Variants in NOS1AP observed in about 807,000 individuals in gnomAD.
The protein encoded by NOS1AP is nitric oxide synthase 1 adaptor protein.
In NOS1AP, 21 loss-of-function variants were observed where a neutral mutation model predicts 56.2. That is an observed-to-expected ratio of 0.37 (90% CI 0.26 to 0.54). The LOEUF (loss-of-function observed/expected upper bound fraction) is 0.54, where lower values mean the gene tolerates loss of function less well. NOS1AP is among the 20% of genes least tolerant of loss of function. The probability of loss-of-function intolerance (pLI) is 0.84; values close to 1 mark genes in which losing one functional copy is unlikely to be tolerated. For synonymous variants in NOS1AP, 270 were observed against 274.6 expected (o/e 0.98, Z 0.17); for missense variants, 522 against 657.8 (o/e 0.79, Z 2.26).
chr1:162,363,626 C>A, intron 8 of NOS1AP: 1 of 235,016 alleles, frequency 4.3e-6, no homozygotes, highest in Non-Finnish European at 7.0e-6. Context: ...CAGCCCCCAT[C>A]CCGAAGCTTC....
At chr1:162,352,195 G>C (rs562276047) in intron 6 of NOS1AP, among the ~76,000 whole-genome samples, 5 of 152,112 alleles carry the variant, frequency 3.3e-5, no homozygotes, top group Non-Finnish European at 7.3e-5. Context: ...AAGCAGCTGG[G>C]ATTACAGGCA....
chr1:162,304,427 A>T (rs898745850), intron 4 of NOS1AP, among the ~76,000 whole-genome samples: 1 of 152,254 alleles, frequency 6.6e-6, no homozygotes, highest in African/African-American at 2.4e-5. Flanking sequence ...AATTCTTGAA[A>T]TCAGGTAGTA....
chr1:162,203,785 G>T (rs779550837), intron 2 of NOS1AP, among the ~76,000 whole-genome samples: 1 of 152,134 alleles, frequency 6.6e-6, no homozygotes, highest in Non-Finnish European at 1.5e-5. Flanking sequence ...CTTCTGAAAG[G>T]GGTTATCACA....
chr1:162,302,864 T>C (rs1050378499), intron 4 of NOS1AP, among the ~76,000 whole-genome samples: 1 of 152,208 alleles, frequency 6.6e-6, no homozygotes, highest in Admixed American at 6.5e-5. Context: ...TCCTTTCTGT[T>C]ATTGATGAGT....
Position 162,316,731 on chromosome 1 carries a change from A to G in NOS1AP, c.344+16025A>G, listed in dbSNP as rs183472654. 9.0e-4 allele frequency: 137 copies of G among 152,762 alleles called. 1 individual carries two copies. The highest frequency in any genetic ancestry group is 4.8e-3 in the East Asian group (25 of 5,208). 9.5% of individuals were successfully genotyped at this position (152,762 alleles called of 1,614,324 possible). A position where few individuals can be genotyped will look rare whatever the true frequency, so the allele number is the denominator to read the frequency against. The stretch of plus-strand genomic sequence containing the variant: ...TAGGGGCAGGGGGTGGATCTCACAA[A>G]GTACATTCTCAAGGGTGGGGAGAAT... On this transcript the variant is annotated intron_variant, in intron 4 of 9. Coordinates refer to ENST00000361897, the MANE Select transcript of NOS1AP (RefSeq NM_014697.3).
At chr1:162,293,718 T>C (rs1655347343) in intron 3 of NOS1AP, among the ~76,000 whole-genome samples, 1 of 152,214 alleles carries the variant, frequency 6.6e-6, no homozygotes, top group African/African-American at 2.4e-5. Flanking sequence ...TTCCTGGCAG[T>C]GGACAGTGAA....
At chr1:162,195,324 CT>C (rs1256527193) in intron 2 of NOS1AP, among the ~76,000 whole-genome samples, 1 of 151,962 alleles carries the variant, frequency 6.6e-6, no homozygotes, top group Non-Finnish European at 1.5e-5. Flanking sequence ...CTTGCTCTTA[CT>C]CATTGCATTT....
At chr1:162,302,035 T>C (rs1212820425) in intron 4 of NOS1AP, among the ~76,000 whole-genome samples, 1 of 152,230 alleles carries the variant, frequency 6.6e-6, no homozygotes, top group Non-Finnish European at 1.5e-5. Context: ...AGTTTTAGAC[T>C]AGTGGGAAAT....
At chr1:162,281,172 C>T (rs1054714378) in intron 2 of NOS1AP, among the ~76,000 whole-genome samples, 2 of 152,152 alleles carry the variant, frequency 1.3e-5, no homozygotes, top group Non-Finnish European at 2.9e-5. Context: ...AGATAAAGTG[C>T]TCAGTACTGT....
chr1:162,318,445 T>G (rs1382677361), intron 4 of NOS1AP, among the ~76,000 whole-genome samples: 1 of 152,186 alleles, frequency 6.6e-6, no homozygotes, highest in Non-Finnish European at 1.5e-5. Context: ...TCTTATTCAG[T>G]CTCTGTGAAG....
intron 1 of NOS1AP, among the ~76,000 whole-genome samples, chr1:162,101,466 G>A (rs1163781152): frequency 1.3e-5 from 2 of 152,184 alleles, no homozygotes; most frequent in Non-Finnish European, 2.9e-5. Flanking sequence ...CTAATTCAGT[G>A]AAGAATGTCA....
Position 162,364,269 on chromosome 1 carries a change from A to G in NOS1AP, c.940-1135A>G, listed in dbSNP as rs2101829166. On this transcript the variant is annotated intron_variant, in intron 8 of 9. Coordinates refer to ENST00000361897, the MANE Select transcript of NOS1AP (RefSeq NM_014697.3). ...ACCTGGCTCTGTCTTTACCCACACC[A>G]TGGTTTTGGTACAAGAACACCCTTT... 8.1e-6 allele frequency: 8 copies of G among 985,346 alleles called. No individual in the cohort carries two copies. The South Asian group carries it at 3.3e-4, about 41-fold the overall frequency. 61.0% of individuals were successfully genotyped at this position (985,346 alleles called of 1,614,324 possible). A position where few individuals can be genotyped will look rare whatever the true frequency, so the allele number is the denominator to read the frequency against.
chr1:162,184,192 G>T (rs532535414), intron 2 of NOS1AP, among the ~76,000 whole-genome samples: 1 of 152,304 alleles, frequency 6.6e-6, no homozygotes, highest in South Asian at 2.1e-4. Context: ...GGAATGGCTG[G>T]TTGGTGGAGC....
chr1:162,292,510 T>C (rs1283204265), intron 3 of NOS1AP, among the ~76,000 whole-genome samples: 1 of 152,226 alleles, frequency 6.6e-6, no homozygotes, highest in Admixed American at 6.5e-5. Context: ...TTATGATTGT[T>C]CAAAAGCAGA....
At chr1:162,136,339 G>T (rs1033155418) in intron 1 of NOS1AP, among the ~76,000 whole-genome samples, 16 of 152,008 alleles carry the variant, frequency 1.1e-4, no homozygotes, top group Non-Finnish European at 2.4e-4. Context: ...ATAGATCTAG[G>T]CTCATGATCC....
chr1:162,182,711 A>C (rs149741828), intron 2 of NOS1AP, among the ~76,000 whole-genome samples: 1 of 152,322 alleles, frequency 6.6e-6, no homozygotes, highest in East Asian at 1.9e-4. Flanking sequence ...CATCTCAAGA[A>C]ACCAATTTAT....
At chr1:162,101,964 C>T (rs1413902022) in intron 1 of NOS1AP, among the ~76,000 whole-genome samples, 2 of 152,160 alleles carry the variant, frequency 1.3e-5, no homozygotes, top group African/African-American at 4.8e-5. Context: ...CTGGCCAGAA[C>T]TTCCAATACT....
intron 2 of NOS1AP, among the ~76,000 whole-genome samples, chr1:162,215,548 C>T (rs1652541799): frequency 1.3e-5 from 2 of 152,230 alleles, no homozygotes. Context: ...GTCTGAGTGG[C>T]AGGCACTGTA....
intron 1 of NOS1AP, among the ~76,000 whole-genome samples, chr1:162,085,596 A>G (rs1691984877): frequency 6.6e-6 from 1 of 152,132 alleles, no homozygotes; most frequent in Non-Finnish European, 1.5e-5. Context: ...CTTTCTTCAT[A>G]TAGCCCTTTC....
Sources: allele counts gnomAD v4.1 joint callset (sites outside exome capture counted in the v4.1 genomes callset), GRCh38; gene constraint gnomAD v4.1.1; transcripts MANE v1.5; gene names NCBI Gene and HGNC (gene_info 2026-07-23, HGNC 2026-07-21).